Variants in PAPLN observed in about 807,000 individuals in gnomAD.
PAPLN encodes papilin.
PAPLN carries 146 observed loss-of-function variants against 159.0 expected under a neutral mutation model. The observed-to-expected ratio is 0.92, with a 90% CI of 0.80 to 1.05. The LOEUF (loss-of-function observed/expected upper bound fraction) is 1.05. Among genes scored for constraint, PAPLN ranks in the 50% least tolerant of loss-of-function variants. The pLI is 0.00. For missense variants in PAPLN, 1,720 were observed against 1,743.9 expected (o/e 0.99, Z 0.24); for synonymous variants, 734 against 702.9 (o/e 1.04, Z -0.70).
At chr14:73,255,915 GC>G (rs1460772617) in intron 14 of PAPLN, among the ~76,000 whole-genome samples, 1 of 152,218 alleles carries the variant, frequency 6.6e-6, no homozygotes, top group Non-Finnish European at 1.5e-5. Context: ...TTCTCAGTTT[GC>G]CCATCTGCAC....
intron 2 of PAPLN, among the ~76,000 whole-genome samples, chr14:73,241,411 GA>G (rs1883524907): frequency 2.0e-5 from 3 of 152,210 alleles, no homozygotes; most frequent in African/African-American, 7.2e-5. Flanking sequence ...ACAGCTGCAT[GA>G]TCCTAGGCAA....
intron 15 of PAPLN, 92 bp downstream of exon 15, chr14:73,259,151 C>T: frequency 2.0e-6 from 3 of 1,527,870 alleles, no homozygotes; most frequent in East Asian, 2.3e-5. Context: ...CAGTTGGGTG[C>T]AGCCATGGTG....
intron 26 of PAPLN, among the ~76,000 whole-genome samples, chr14:73,270,895 CA>C (rs1298051359): frequency 6.6e-6 from 1 of 152,132 alleles, no homozygotes; most frequent in Admixed American, 6.5e-5. Context: ...CTGCCCTACT[CA>C]TGGTTGGGTG....
chr14:73,273,838 C>A lies in PAPLN; in HGVS notation c.*1174C>A, dbSNP rs1384322877. Reference sequence around the variant, plus strand: ...GGGTTAACAGCATAACCCTTGTTGGCAAAATGGAATAGATGTTAAGACCTC... The same window carrying A: ...GGGTTAACAGCATAACCCTTGTTGGAAAAATGGAATAGATGTTAAGACCTC... On this transcript the variant is annotated 3_prime_UTR_variant, in exon 27 of 27. Coordinates refer to ENST00000644200, the MANE Select transcript of PAPLN (RefSeq NM_001365906.3). The A allele has an allele frequency of 6.6e-6, 1 of 152,156 alleles. No homozygotes were observed. Among genetic ancestry groups the A allele is most frequent in the African/African-American group, 2.4e-5 (1 of 41,416 alleles). 9.4% of individuals were successfully genotyped at this position (152,156 alleles called of 1,614,324 possible).
At chr14:73,268,223 G>A (rs752639066) in intron 25 of PAPLN, among the ~76,000 whole-genome samples, 1 of 151,964 alleles carries the variant, frequency 6.6e-6, no homozygotes, top group African/African-American at 2.4e-5. Flanking sequence ...GCGTCAGTGC[G>A]ATGCTGACAC....
At chr14:73,259,183 A>G (rs1203900306) in intron 15 of PAPLN, 86 bp from the exon 16 acceptor site, 1 of 1,524,168 alleles carries the variant, frequency 6.6e-7, no homozygotes, top group Admixed American at 2.0e-5. Context: ...GGTCCAGGGG[A>G]CGGAGGAAGG....
At position 73,261,192 on chromosome 14, in the gene PAPLN, G is replaced by A; in HGVS notation, c.2143G>A (p.Glu715Lys). 1.9e-6 allele frequency: 3 copies of A among 1,614,100 alleles called. No homozygotes were observed. The highest frequency in any genetic ancestry group is 2.5e-6 in the Non-Finnish European group (3 of 1,180,030). Residue 715 changes from glutamate (E) to lysine (K), a missense_variant, in exon 18 of 27, where the codon GAG (glutamate) becomes AAG (lysine). By Grantham distance (56) the Glu-to-Lys change is moderately conservative. Coordinates refer to ENST00000644200, the MANE Select transcript of PAPLN (RefSeq NM_001365906.3). ...CCACCAGCCCCAGGCCCAGCAGAATGAGCCCAGTGAGTGCCGGGGCTCCCA... is the reference window on the plus strand; with the variant it reads ...CCACCAGCCCCAGGCCCAGCAGAATAAGCCCAGTGAGTGCCGGGGCTCCCA... ...NTHQPQAQQN[E>K]PSECRGSQFG...
chr14:73,267,823 C>T (rs1012466981), intron 25 of PAPLN, among the ~76,000 whole-genome samples: 1 of 152,214 alleles, frequency 6.6e-6, no homozygotes, highest in African/African-American at 2.4e-5. Context: ...AGCAAACATG[C>T]ATAGAACTCC....
chr14:73,268,741 C>T lies in PAPLN; in HGVS notation c.3667+18C>T. 1 of 1,587,722 alleles carries T rather than the reference C, an allele frequency of 6.3e-7. No homozygotes were observed. Among genetic ancestry groups the T allele is most frequent in the Non-Finnish European group, 8.6e-7 (1 of 1,165,956 alleles). Reference sequence around the variant, plus strand: ...CTCACCAGGTAGGAAAGGTCTATATCCGGGGATGGGAAGGACATTCCCCAG... The same window carrying T: ...CTCACCAGGTAGGAAAGGTCTATATTCGGGGATGGGAAGGACATTCCCCAG... On this transcript the variant is annotated intron_variant, in intron 26 of 26. Coordinates refer to ENST00000644200, the MANE Select transcript of PAPLN (RefSeq NM_001365906.3).
chr14:73,268,406 T>C (rs1437092128), intron 25 of PAPLN, 151 bp from the exon 26 acceptor site: 1 of 750,506 alleles, frequency 1.3e-6, no homozygotes, highest in Non-Finnish European at 2.1e-6. Context: ...CTAGAAACCT[T>C]GGTCATTCTT....
At chr14:73,261,081 T>G (rs1447758787) in intron 17 of PAPLN, 75 bp from the exon 18 acceptor site, 4 of 1,608,992 alleles carry the variant, frequency 2.5e-6, no homozygotes, top group Non-Finnish European at 3.4e-6. Flanking sequence ...CCTGCCATCC[T>G]CCCCGTGGCA....
Position 73,264,345 on chromosome 14 carries a change from C to G in PAPLN, c.2986+10C>G. The stretch of plus-strand genomic sequence containing the variant: ...CAACTTCGCATCATAGGTCTCTGTC[C>G]CCACCCCATCCACCAGTGCGTTCTC... On this transcript the variant is annotated intron_variant, in intron 21 of 26. Transcript: ENST00000644200. 1.2e-6 allele frequency: 2 copies of G among 1,610,264 alleles called. No individual in the cohort carries two copies. The highest frequency in any genetic ancestry group is 4.5e-5 in the East Asian group (2 of 44,848).
intron 5 of PAPLN, 140 bp from the exon 6 acceptor site, chr14:73,249,844 T>C: frequency 1.1e-6 from 1 of 874,264 alleles, no homozygotes; most frequent in Non-Finnish European, 1.6e-6. Context: ...CTCCTGGGGA[T>C]GGGGCGGGGA....
chr14:73,257,189 C>G (rs899074090), intron 14 of PAPLN, among the ~76,000 whole-genome samples: 1 of 152,174 alleles, frequency 6.6e-6, no homozygotes, highest in Non-Finnish European at 1.5e-5. Flanking sequence ...CCAGGCCGGT[C>G]TTCATCTCCT....
chr14:73,261,911 A>G, intron 18 of PAPLN: 1 of 195,384 alleles, frequency 5.1e-6, no homozygotes, highest in South Asian at 1.2e-4. Flanking sequence ...CAGTCAGTGC[A>G]GCATCCTGGG....
chr14:73,265,155 G>A lies in PAPLN; in HGVS notation c.3126-215G>A, dbSNP rs947039738. Among the ~76,000 whole-genome samples the A allele has an allele frequency of 2.6e-5, 4 of 152,206 alleles. No homozygotes were observed. The highest frequency in any genetic ancestry group is 4.8e-5 in the African/African-American group (2 of 41,462). ...GTGGGTGTGTCTGGCCAGCTGTGGTGGAGGGGCAGGGAGTGGTAGTGGCGG... is the reference window on the plus strand; with the variant it reads ...GTGGGTGTGTCTGGCCAGCTGTGGTAGAGGGGCAGGGAGTGGTAGTGGCGG... On this transcript the variant is annotated intron_variant, in intron 22 of 26. Transcript: ENST00000644200. The surrounding 1 kb of genome is among the most constrained non-coding windows in gnomAD (Gnocchi z 4.1).
chr14:73,268,315 A>G (rs1010357912), intron 25 of PAPLN: 1 of 439,868 alleles, frequency 2.3e-6, no homozygotes, highest in Non-Finnish European at 4.0e-6. Context: ...AATTTGAAAT[A>G]GCAGAAAACA....
At chr14:73,255,057 C>A in intron 14 of PAPLN, 39 bp downstream of exon 14, 1 of 1,581,916 alleles carries the variant, frequency 6.3e-7, no homozygotes, top group African/African-American at 1.3e-5. Flanking sequence ...GGCCTCTGAC[C>A]TCTCTCCCAC....
At chr14:73,239,943 G>A (rs1260837522) in intron 2 of PAPLN, 111 bp downstream of exon 2, 1 of 1,443,484 alleles carries the variant, frequency 6.9e-7, no homozygotes, top group Admixed American at 2.5e-5. Context: ...CAGGGAAGCT[G>A]GGCTGGGAGG....
Sources: gnomAD v4.1 joint callset for allele counts (sites outside exome capture counted in the v4.1 genomes callset) on GRCh38, gnomAD v4.1.1 for gene constraint, Gnocchi (gnomAD v3.1) non-coding constraint, MANE v1.5 for transcripts, NCBI Gene and HGNC (gene_info 2026-07-23, HGNC 2026-07-21) for gene names.